The following TRPM1 variants were observed in gnomAD, a reference collection of about 807,000 sequenced individuals.
TRPM1 encodes transient receptor potential cation channel subfamily M member 1.
In TRPM1, 113 loss-of-function variants were observed where a neutral mutation model predicts 149.4. The observed-to-expected ratio is 0.76, with a 90% confidence interval of 0.65 to 0.88. The LOEUF is 0.88. TRPM1 is among the 40% of genes least tolerant of loss of function. The probability of loss-of-function intolerance (pLI) is 0.00; values close to 1 mark genes in which losing one functional copy is unlikely to be tolerated. For synonymous variants in TRPM1, 741 were observed against 759.5 expected, an observed-to-expected ratio of 0.98 and a Z score of 0.40; for missense variants, 1,976 against 2,038.7, an observed-to-expected ratio of 0.97 and a Z score of 0.59.
In TRPM1 at chr15:31,017,465, T is replaced by TC. The variant is rs554377237; in HGVS notation, c.3629+8673dup. ...CAGTGTTCCCTTTGAGATGTGCCCA[T>TC]CCACATTGGCATTCGGGATGAAGCT... On this transcript the variant is annotated intron_variant, in intron 27 of 27. Coordinates refer to ENST00000256552, the MANE Select transcript of TRPM1 (RefSeq NM_001252024.2). 3.9e-5 allele frequency among the ~76,000 whole-genome samples: 6 copies of TC among 152,330 alleles called. No individual in the cohort carries two copies. The South Asian group carries it at 1.2e-3, about 32-fold the overall frequency.
Position 31,063,254 on chromosome 15 carries a change from C to G in TRPM1, c.829G>C (p.Glu277Gln). ...ATGGACACCACGTTAGGGCCCCCCT[C>G]CACCACGAGACCCACGAGGGGCACG... ...QGVPLVGLVV[E>Q]GGPNVVSIVL... is the part of the protein sequence containing the mutation. Residue 277 changes from glutamate (E) to glutamine (Q), a missense_variant, in exon 8 of 28, where the codon GAG becomes CAG. By Grantham distance (29) the Glu-to-Gln change is conservative. Transcript: ENST00000256552. 1 of 1,614,174 alleles carries G rather than the reference C, an allele frequency of 6.2e-7. No individual in the cohort carries two copies. Among genetic ancestry groups the G allele is most frequent in the African/African-American group, 1.3e-5 (1 of 75,020 alleles).
At chr15:31,156,747 T>C (rs2036382841) in intron 1 of TRPM1, among the ~76,000 whole-genome samples, 1 of 152,222 alleles carries the variant, frequency 6.6e-6, no homozygotes, top group Non-Finnish European at 1.5e-5. Flanking sequence ...CTCTTGAGAC[T>C]GTGCCTTGGG....
intron 1 of TRPM1, among the ~76,000 whole-genome samples, chr15:31,149,819 G>A (rs943227323): frequency 6.6e-6 from 1 of 152,186 alleles, no homozygotes; most frequent in Admixed American, 6.5e-5. Context: ...GCGCCAGGCC[G>A]TGCATCTTTA....
Position 31,058,079 on chromosome 15 carries a change from C to T in TRPM1, c.1263+2465G>A, listed in dbSNP as rs118043187. ...GCTATTCTTTATAGCAGTGTGAAAA[C>T]GGACTAGTATAAGCCTCAACATTAG... On this transcript the variant is annotated intron_variant, in intron 11 of 27. Coordinates refer to ENST00000256552, the MANE Select transcript of TRPM1 (RefSeq NM_001252024.2). Among the ~76,000 whole-genome samples the T allele has an allele frequency of 5.3e-3, 806 of 151,896 alleles. 5 individuals carry two copies. The highest frequency in any genetic ancestry group is 8.4e-3 in the Non-Finnish European group (572 of 67,964).
chr15:31,067,041 CA>C, intron 6 of TRPM1, 21 bp downstream of exon 6: 1 of 1,614,164 alleles, frequency 6.2e-7, no homozygotes. Flanking sequence ...AAACTGCCAA[CA>C]TTTGCAGAGA....
chr15:31,021,503 C>T (rs1028512964), intron 27 of TRPM1, among the ~76,000 whole-genome samples: 10 of 152,132 alleles, frequency 6.6e-5, no homozygotes, highest in African/African-American at 2.2e-4. Context: ...CCAGACCAGC[C>T]TGGGCAACAT....
chr15:31,132,888 C>A (rs1006772681), intron 1 of TRPM1, among the ~76,000 whole-genome samples: 11 of 152,222 alleles, frequency 7.2e-5, no homozygotes, highest in African/African-American at 2.7e-4. Context: ...TGTAAGACAG[C>A]TTTGCTTCTC....
intron 1 of TRPM1, among the ~76,000 whole-genome samples, chr15:31,143,739 T>G (rs546380758): frequency 7.3e-5 from 10 of 136,352 alleles, no homozygotes; most frequent in Admixed American, 2.9e-4. Flanking sequence ...GGAAAGTAAG[T>G]TTTTTTTTTT....
In TRPM1 at chr15:31,066,211, T is replaced by G. The variant is rs774914605; in HGVS notation, c.655A>C (p.Ser219Arg). 3 of 1,614,048 alleles carry G rather than the reference T, an allele frequency of 1.9e-6. No homozygotes were observed. Among genetic ancestry groups the G allele is most frequent in the Non-Finnish European group, 2.5e-6 (3 of 1,180,024 alleles). Residue 219 changes from serine to arginine, a missense_variant, in exon 7 of 28, where the codon AGT becomes CGT. Around this residue, in one of 3 missense-constraint regions of TRPM1, gnomAD observed 1,332 missense variants for 1,347.1 expected, o/e 0.99. Transcript: ENST00000256552. ...RVYQTMSNPL[S>R]KLSVLNNSHT... ...GAGTTGTTGAGCACAGAGAGCTTACTTAGAGGGTTGGACATGGTCTGGTAC... is the reference window on the plus strand; with the variant it reads ...GAGTTGTTGAGCACAGAGAGCTTACGTAGAGGGTTGGACATGGTCTGGTAC...
chr15:31,150,247 G>T (rs961529925), intron 1 of TRPM1, among the ~76,000 whole-genome samples: 3 of 152,200 alleles, frequency 2.0e-5, no homozygotes, highest in African/African-American at 7.2e-5. Flanking sequence ...TTAGTTTGCT[G>T]ATGTGCATTG....
At chr15:31,034,964 G>C (rs1436777169) in intron 21 of TRPM1, among the ~76,000 whole-genome samples, 1 of 152,164 alleles carries the variant, frequency 6.6e-6, no homozygotes, top group Non-Finnish European at 1.5e-5. Context: ...ACTTGGGATT[G>C]TGATACCTCC....
At chr15:31,074,751 T>C (rs1233332455) in intron 3 of TRPM1, among the ~76,000 whole-genome samples, 1 of 152,154 alleles carries the variant, frequency 6.6e-6, no homozygotes, top group Middle Eastern at 3.2e-3. Flanking sequence ...CTTTTTCCAG[T>C]GTCTTAAGGT....
At chr15:31,149,712 G>A (rs1211435374) in intron 1 of TRPM1, among the ~76,000 whole-genome samples, 3 of 152,114 alleles carry the variant, frequency 2.0e-5, no homozygotes, top group Admixed American at 1.3e-4. Flanking sequence ...GTAGAGACGG[G>A]GTTTCACCGT....
chr15:31,068,192 G>T, intron 4 of TRPM1, 100 bp from the exon 5 acceptor site: 1 of 1,090,996 alleles, frequency 9.2e-7, no homozygotes, highest in Non-Finnish European at 1.4e-6. Context: ...GAACTGCCTG[G>T]CTTGTCTCTT....
intron 4 of TRPM1, chr15:31,069,622 G>A: frequency 7.6e-7 from 1 of 1,319,208 alleles, no homozygotes; most frequent in Non-Finnish European, 9.6e-7. Flanking sequence ...GCTGAGCGCA[G>A]GCCCAGGGAA....
In TRPM1 at chr15:31,042,153, G is replaced by A. The variant is rs749528680; in HGVS notation, c.1885C>T (p.Arg629Trp). The part of the protein sequence containing the change: ...DIDVDDPAVS[R>W]FQYPFHELMV... ...AGCTCGTGGAAGGGATACTGGAACCGACTCACGGCAGGGTCGTCCACATCA... is the reference window on the plus strand; with the variant it reads ...AGCTCGTGGAAGGGATACTGGAACCAACTCACGGCAGGGTCGTCCACATCA... The change falls in exon 17 of 28, where the codon CGG (arginine) becomes TGG (tryptophan). Residue 629 changes from arginine to tryptophan, a missense_variant. Physicochemically the swap from Arg to Trp is moderately radical, Grantham distance 101. Transcript: ENST00000256552. 2.5e-6 allele frequency: 4 copies of A among 1,614,144 alleles called. No individual in the cohort carries two copies. Among genetic ancestry groups the A allele is most frequent in the Non-Finnish European group, 3.4e-6 (4 of 1,180,018 alleles).
At chr15:31,098,985 TC>T (rs2035456140) in intron 1 of TRPM1, among the ~76,000 whole-genome samples, 1 of 152,126 alleles carries the variant, frequency 6.6e-6, no homozygotes, top group South Asian at 2.1e-4. Context: ...AATGCATTTT[TC>T]CCCACTTAGC....
At chr15:31,148,264 C>T (rs1055340281) in intron 1 of TRPM1, among the ~76,000 whole-genome samples, 19 of 152,192 alleles carry the variant, frequency 1.2e-4, no homozygotes, top group Admixed American at 1.2e-3. Flanking sequence ...GGTGCGAGGA[C>T]AGCAGGACCC....
At chr15:31,033,389 C>A (rs1039853153) in intron 21 of TRPM1, among the ~76,000 whole-genome samples, 2 of 152,208 alleles carry the variant, frequency 1.3e-5, no homozygotes, top group African/African-American at 2.4e-5. Flanking sequence ...TCCTTTGCAA[C>A]TTAGACATGA....
Sources: allele counts gnomAD v4.1 joint callset (sites outside exome capture counted in the v4.1 genomes callset), GRCh38; gene constraint gnomAD v4.1.1; regional missense constraint gnomAD v4.1.1; transcripts MANE v1.5; gene names NCBI Gene and HGNC (gene_info 2026-07-23, HGNC 2026-07-21).